Variants in MYO16 observed in about 807,000 individuals in gnomAD.
The protein encoded by MYO16 is myosin XVI.
Under a neutral mutation model 205.3 loss-of-function variants are expected in MYO16, and 94 were observed. The ratio of observed to expected loss-of-function variants is 0.46; its 90% CI spans 0.39 to 0.54. The LOEUF (loss-of-function observed/expected upper bound fraction) is 0.54. Among genes scored for constraint, MYO16 ranks in the 20% least tolerant of loss-of-function variants. The pLI, the probability that MYO16 is intolerant of heterozygous loss-of-function variation, is 0.00. For missense variants in MYO16, 2,315 were observed against 2,387.5 expected, an observed-to-expected ratio of 0.97 and a Z score of 0.63; for synonymous variants, 988 against 954.0, an observed-to-expected ratio of 1.04 and a Z score of -0.66.
At chr13:108,801,288 A>G (rs570893177) in intron 6 of MYO16, among the ~76,000 whole-genome samples, 1 of 152,356 alleles carries the variant, frequency 6.6e-6, no homozygotes, top group South Asian at 2.1e-4. Flanking sequence ...TCATTTTAGA[A>G]ATAAATAATA....
chr13:108,714,069 G>A (rs1380592998), intron 3 of MYO16, among the ~76,000 whole-genome samples: 1 of 151,948 alleles, frequency 6.6e-6, no homozygotes, highest in Non-Finnish European at 1.5e-5. Flanking sequence ...TGTTGTTGTT[G>A]TTGTTGAGAC....
chr13:108,740,100 A>G (rs1248543208), intron 4 of MYO16, among the ~76,000 whole-genome samples: 1 of 148,868 alleles, frequency 6.7e-6, no homozygotes, highest in South Asian at 2.2e-4. Context: ...TTTAGCTCAG[A>G]GAAGTTTGGT....
At chr13:109,194,255 C>T (rs1285301754) in intron 34 of MYO16, among the ~76,000 whole-genome samples, 1 of 152,100 alleles carries the variant, frequency 6.6e-6, no homozygotes, top group Non-Finnish European at 1.5e-5. Flanking sequence ...ACATATGAAG[C>T]ACATTTATTA....
chr13:108,537,518 A>G, the MYO16 span, among the ~76,000 whole-genome samples: 1 of 152,150 alleles, frequency 6.6e-6, no homozygotes, highest in Non-Finnish European at 1.5e-5. Flanking sequence ...GACATCCAAT[A>G]GAAGGATTAC....
rs747933912 is a variant in MYO16 at position 108,844,468 on chromosome 13, T to C, written c.1223T>C (p.Met408Thr). 2 of 1,611,426 alleles carry C rather than the reference T, an allele frequency of 1.2e-6. No individual in the cohort carries two copies. Among genetic ancestry groups the C allele is most frequent in the South Asian group, 2.2e-5 (2 of 90,776 alleles). ...SQDSIPENPM[M>T]SGSTKPEQVK... ...GACAGCATCCCTGAAAACCCCATGA[T>C]GAGCGGTTCCACCAAACCCGAGCAG... Residue 408 changes from methionine (M) to threonine (T), a missense_variant, in exon 10 of 35, where the codon ATG (methionine) becomes ACG (threonine). Physicochemically the swap from Met to Thr is moderately conservative, Grantham distance 81. Coordinates refer to ENST00000457511, the MANE Select transcript of MYO16 (RefSeq NM_001198950.3).
intron 27 of MYO16, among the ~76,000 whole-genome samples, chr13:109,091,404 A>G (rs933237178): frequency 8.5e-5 from 13 of 152,252 alleles, no homozygotes; most frequent in African/African-American, 2.9e-4. Flanking sequence ...CTGAAAAACA[A>G]AAAGCACTCA....
intron 23 of MYO16, among the ~76,000 whole-genome samples, chr13:109,027,815 TACA>T (rs1029351559): frequency 2.6e-5 from 4 of 152,186 alleles, no homozygotes; most frequent in African/African-American, 9.6e-5. Context: ...AGTGCAGGAA[TACA>T]ACAGTACTTC....
chr13:108,750,627 AAAAAG>A (rs1246991663), intron 4 of MYO16, among the ~76,000 whole-genome samples: 85 of 151,640 alleles, frequency 5.6e-4, no homozygotes, highest in African/African-American at 1.5e-3. Flanking sequence ...AAAAAAAAAA[AAAAAG>A]AAAGAAAGAA....
chr13:109,035,553 G>A (rs538392024), intron 23 of MYO16, among the ~76,000 whole-genome samples: 21 of 152,116 alleles, frequency 1.4e-4, no homozygotes, highest in Admixed American at 2.6e-4. Flanking sequence ...GCGTGGTGGT[G>A]TATGCCTGCA....
chr13:109,023,709 A>ATGCATATATATGTATATATGTATATAT (rs1555325352), intron 23 of MYO16, among the ~76,000 whole-genome samples: 1 of 124,144 alleles, frequency 8.1e-6, no homozygotes, highest in Non-Finnish European at 1.6e-5. Flanking sequence ...ATATGTATAT[A>ATGCATATATATGTATATATGTATATAT]TACAAATATA....
intron 32 of MYO16, among the ~76,000 whole-genome samples, chr13:109,146,859 A>G (rs1176627940): frequency 6.6e-6 from 1 of 151,876 alleles, no homozygotes; most frequent in Non-Finnish European, 1.5e-5. Context: ...GAAAAAAAGA[A>G]AGAGAAAAAA....
chr13:108,962,351 G>T, intron 18 of MYO16, 73 bp from the exon 19 acceptor site: 3 of 1,174,920 alleles, frequency 2.6e-6, no homozygotes, highest in Non-Finnish European at 3.7e-6. Context: ...TATCAATTAT[G>T]GCCATAAAAT....
chr13:108,761,069 C>A (rs756851773), intron 4 of MYO16, among the ~76,000 whole-genome samples: 1 of 152,070 alleles, frequency 6.6e-6, no homozygotes, highest in Non-Finnish European at 1.5e-5. Context: ...TCACACACAC[C>A]TTTTTTTGCC....
chr13:109,179,674 A>C, intron 34 of MYO16, 41 bp downstream of exon 34: 1 of 1,498,746 alleles, frequency 6.7e-7, no homozygotes, highest in Non-Finnish European at 9.3e-7. Context: ...TGACAAATGG[A>C]ATTAAGTTAT....
At chr13:108,810,425 A>G (rs1887254049) in intron 7 of MYO16, among the ~76,000 whole-genome samples, 3 of 152,314 alleles carry the variant, frequency 2.0e-5, no homozygotes, top group East Asian at 1.9e-4. Context: ...AATATAAGGC[A>G]TCAAAACCAA....
intron 10 of MYO16, 127 bp downstream of exon 10, chr13:108,844,620 ATATT>A: frequency 2.1e-6 from 2 of 947,704 alleles, no homozygotes; most frequent in Non-Finnish European, 1.5e-6. Context: ...GCATAGATTA[ATATT>A]TTGCTTGCAG....
intron 9 of MYO16, among the ~76,000 whole-genome samples, chr13:108,840,017 A>G (rs752128849): frequency 5.0e-4 from 76 of 152,312 alleles, no homozygotes; most frequent in Middle Eastern, 3.4e-3. Flanking sequence ...ATCCTTCACT[A>G]TAGTCCTTTT....
upstream of MYO16, among the ~76,000 whole-genome samples, chr13:108,595,182 T>C (rs1878511469): frequency 6.6e-6 from 1 of 152,230 alleles, no homozygotes; most frequent in Admixed American, 6.5e-5. Flanking sequence ...AATTGTTTTA[T>C]AGATACATAT....
intron 27 of MYO16, among the ~76,000 whole-genome samples, chr13:109,070,353 C>G (rs952788424): frequency 6.6e-6 from 1 of 152,114 alleles, no homozygotes; most frequent in Non-Finnish European, 1.5e-5. Flanking sequence ...TAGTGGGTGA[C>G]CAACAGGTAT....
Sources: gnomAD v4.1 joint callset for allele counts (sites outside exome capture counted in the v4.1 genomes callset) on GRCh38, gnomAD v4.1.1 for gene constraint, MANE v1.5 for transcripts, NCBI Gene and HGNC (gene_info 2026-07-23, HGNC 2026-07-21) for gene names.